KLK5: variants seen among roughly 807,000 people sequenced by gnomAD.
The protein encoded by KLK5 is kallikrein related peptidase 5, also known as kallikrein-5.
KLK5 carries 18 observed loss-of-function variants against 24.0 expected under a neutral mutation model. The observed-to-expected ratio is 0.75, with a 90% CI of 0.52 to 1.11. The LOEUF is 1.11. KLK5 is among the 50% of genes most tolerant of loss of function. The pLI is 0.00. For missense variants in KLK5, 374 were observed against 379.2 expected (o/e 0.99, Z 0.11); for synonymous variants, 140 against 154.0 (o/e 0.91, Z 0.67).
chr19:50,943,903 G>A (rs1485528977), intron 5 of KLK5, 117 bp from the exon 6 acceptor site: 5 of 701,182 alleles, frequency 7.1e-6, no homozygotes, highest in Non-Finnish European at 7.0e-6. Flanking sequence ...CAGACACACA[G>A]AGATGGAAAG....
chr19:50,950,184 C>A, intron 2 of KLK5, 68 bp from the exon 3 acceptor site: 2 of 1,518,526 alleles, frequency 1.3e-6, no homozygotes, highest in Non-Finnish European at 8.9e-7. Context: ...GTTTCAGACT[C>A]AAGAGGCCAG....
Position 50,947,278 on chromosome 19 carries a change from C to T in KLK5, c.726+1362G>A, listed in dbSNP as rs10409028. 0.15 allele frequency among the ~76,000 whole-genome samples: 22,099 copies of T among 152,208 alleles called. 1,788 individuals are homozygous for T. The highest frequency in any genetic ancestry group is 0.21 in the Middle Eastern group (63 of 294). ...CAGCGTCACTTTCTACTGTTGCCCC[C>T]ACTTTTGTTCTCCAGTTGCATTGGT... On this transcript the variant is annotated intron_variant, in intron 5 of 5. Coordinates refer to ENST00000336334, the MANE Select transcript of KLK5 (RefSeq NM_012427.5). The surrounding 1 kb of genome is among the most constrained non-coding windows in gnomAD (Gnocchi z 8.7).
chr19:50,951,201 C>T (rs1433486506), intron 2 of KLK5, among the ~76,000 whole-genome samples: 5 of 152,136 alleles, frequency 3.3e-5, no homozygotes, highest in Admixed American at 2.6e-4. Context: ...ACACACAGAC[C>T]TACAGACTAC....
chr19:50,947,741 C>A lies in KLK5; in HGVS notation c.726+899G>T, dbSNP rs186888869. Among the ~76,000 whole-genome samples the A allele has an allele frequency of 7.9e-4, 121 of 152,290 alleles. No homozygotes were observed. Among genetic ancestry groups the A allele is most frequent in the South Asian group, 1.4e-3 (7 of 4,828 alleles). ...TATTACAGATTTTGTTGAAACAAGA[C>A]ACTTAACTACCACACGCCTGAAAAC... On this transcript the variant is annotated intron_variant, in intron 5 of 5. Transcript: ENST00000336334. This position sits in a 1 kb window ranked among gnomAD's most constrained non-coding sequence, Gnocchi z 8.7.
intron 5 of KLK5, among the ~76,000 whole-genome samples, chr19:50,945,520 C>T (rs937636961): frequency 9.2e-5 from 14 of 151,720 alleles, no homozygotes; most frequent in South Asian, 2.1e-4. Context: ...CACCTGGGCA[C>T]GGTGGCTCAC....
At chr19:50,944,673 G>A (rs1347280182) in intron 5 of KLK5, among the ~76,000 whole-genome samples, 1 of 152,166 alleles carries the variant, frequency 6.6e-6, no homozygotes, top group African/African-American at 2.4e-5. Context: ...GTTTGTTGTG[G>A]AGGCCTGCCG....
intron 5 of KLK5, among the ~76,000 whole-genome samples, chr19:50,945,542 C>G (rs1168202095): frequency 6.6e-6 from 1 of 151,644 alleles, no homozygotes; most frequent in East Asian, 1.9e-4. Context: ...CCTGTAATAC[C>G]AGCAATTTGG....
intron 2 of KLK5, among the ~76,000 whole-genome samples, chr19:50,951,896 T>G (rs984106374): frequency 6.6e-6 from 1 of 152,080 alleles, no homozygotes; most frequent in Non-Finnish European, 1.5e-5. Flanking sequence ...CTCCCAGAGA[T>G]AGCTACCCCT....
At position 50,952,627 on chromosome 19, in the gene KLK5, C is replaced by T. The variant is rs375974418; in HGVS notation, c.31G>A (p.Val11Met). ...AAGGCTGTGATCAGAGCACAGAGCA[C>T]CCACATCCAGGGGGGTCTTGCTGTA... MATARPPWMW[V>M]LCALITALLL... is the part of the protein sequence containing the mutation. The change falls in exon 2 of 6, where the codon GTG becomes ATG. Residue 11 changes from valine (V) to methionine (M), a missense_variant. Val to Met is a conservative substitution (Grantham distance 21). Transcript: ENST00000336334. 1.2e-6 allele frequency: 2 copies of T among 1,605,344 alleles called. No individual in the cohort carries two copies. The highest frequency in any genetic ancestry group is 1.3e-5 in the African/African-American group (1 of 74,458).
At chr19:50,950,890 CAAAAAA>C (rs10650166) in intron 2 of KLK5, among the ~76,000 whole-genome samples, 1 of 99,978 alleles carries the variant, frequency 1.0e-5, no homozygotes, top group Admixed American at 1.2e-4. Context: ...AGACTGTCTC[CAAAAAA>C]AAAAAAAAAA....
rs1481254216 is a variant in KLK5, at chr19:50,943,618, G to C, written c.*13C>G. On this transcript the variant is annotated 3_prime_UTR_variant, in exon 6 of 6. Transcript: ENST00000336334. ...GCAGGTGGGGATGCCGGTGTGCTGAGTCCTGGGATGACTCAGGAGTTGGCC... is the reference window on the plus strand; with the variant it reads ...GCAGGTGGGGATGCCGGTGTGCTGACTCCTGGGATGACTCAGGAGTTGGCC... The C allele has an allele frequency of 6.2e-7, 1 of 1,611,946 alleles. No individual in the cohort carries two copies. The highest frequency in any genetic ancestry group is 1.1e-5 in the South Asian group (1 of 90,894).
chr19:50,951,296 G>T (rs1486284505), intron 2 of KLK5, among the ~76,000 whole-genome samples: 1 of 151,516 alleles, frequency 6.6e-6, no homozygotes. Context: ...TTTCGAGACG[G>T]AGTTTCGCTC....
intron 3 of KLK5, among the ~76,000 whole-genome samples, chr19:50,949,544 T>C (rs268901): frequency 0.48 from 71,788 of 150,622 alleles, 18,065 homozygotes; most frequent in East Asian, 0.73. Flanking sequence ...AACAAATATA[T>C]GCTCCTAACC....
chr19:50,949,013 G>A lies in KLK5; in HGVS notation c.438C>T (p.Ser146=), dbSNP rs201109317. Reference sequence around the variant, plus strand: ...TGAGGTCGTTAGAGTGGCCAGGGTGGGAGTAGCCAGGGTGGGGGATGGATT... The same window carrying A: ...TGAGGTCGTTAGAGTGGCCAGGGTGAGAGTAGCCAGGGTGGGGGATGGATT... ...GVKSIPHPGY[S]HPGHSNDLML... The change falls in exon 4 of 6, where the codon TCC becomes TCT. Residue 146 remains serine, a synonymous_variant. Transcript: ENST00000336334. 1 of 1,613,894 alleles carries A rather than the reference G, an allele frequency of 6.2e-7. No homozygotes were observed. Among genetic ancestry groups the A allele is most frequent in the African/African-American group, 1.3e-5 (1 of 74,944 alleles).
Position 50,949,794 on chromosome 19 carries a change from TCCCCAC to T in KLK5, c.335+55_335+60del, listed in dbSNP as rs1183156172. The stretch of plus-strand genomic sequence containing the variant: ...CCTCCATGACACCCCCACCCCCACT[TCCCCAC>T]CCCCACCCCCACTTCCCCGTCCCCA... On this transcript the variant is annotated intron_variant, in intron 3 of 5. Transcript: ENST00000336334. 55 of 109,252 alleles carry T rather than the reference TCCCCAC, an allele frequency of 5.0e-4. No individual in the cohort carries two copies. The East Asian group carries it at 0.024, about 48-fold the overall frequency. 6.8% of individuals were successfully genotyped at this position (109,252 alleles called of 1,614,324 possible). A position where few individuals can be genotyped will look rare whatever the true frequency, so the allele number is the denominator to read the frequency against.
rs1431358122 is a variant in KLK5 at position 50,943,523 on chromosome 19, A to G, written c.*108T>C. ...CAGGAGACATGGGGTCAGGGGCTGG[A>G]GAGATGAACATTCTCAACATCTCTG... is the stretch of plus-strand genomic sequence containing the variant. On this transcript the variant is annotated 3_prime_UTR_variant, in exon 6 of 6. Coordinates refer to ENST00000336334, the MANE Select transcript of KLK5 (RefSeq NM_012427.5). The G allele has an allele frequency of 9.3e-7, 1 of 1,076,338 alleles. No homozygotes were observed. The highest frequency in any genetic ancestry group is 1.4e-6 in the Non-Finnish European group (1 of 717,198). 66.7% of individuals were successfully genotyped at this position (1,076,338 alleles called of 1,614,324 possible).
At position 50,949,779 on chromosome 19, in the gene KLK5, ACCCCCACCCCCACTTCCCC is replaced by A. The variant is rs59705989; in HGVS notation, c.335+57_335+75del. 4 of 288,716 alleles carry A rather than the reference ACCCCCACCCCCACTTCCCC, an allele frequency of 1.4e-5. 1 individual carries two copies. In the Admixed American group the frequency reaches 2.0e-4, roughly 14 times the overall value. 17.9% of individuals were successfully genotyped at this position (288,716 alleles called of 1,614,324 possible). A position where few individuals can be genotyped will look rare whatever the true frequency, so the allele number is the denominator to read the frequency against. The stretch of plus-strand genomic sequence containing the variant: ...CCCCACCAGCCCTCACCTCCATGAC[ACCCCCACCCCCACTTCCCC>A]ACCCCCACCCCCACTTCCCCGTCCC... On this transcript the variant is annotated intron_variant, in intron 3 of 5. Coordinates refer to ENST00000336334, the MANE Select transcript of KLK5 (RefSeq NM_012427.5).
Position 50,946,726 on chromosome 19 carries a change from A to AT in KLK5, c.726+1913dup, listed in dbSNP as rs536382459. 6.0e-3 allele frequency among the ~76,000 whole-genome samples: 916 copies of AT among 151,880 alleles called. 5 individuals are homozygous for AT. The highest frequency in any genetic ancestry group is 0.02 in the African/African-American group (821 of 41,390). On this transcript the variant is annotated intron_variant, in intron 5 of 5. Coordinates refer to ENST00000336334, the MANE Select transcript of KLK5 (RefSeq NM_012427.5). ...AGGCGCCTGCCACCACGCCCGGCTA[A>AT]TTTTTTGTGTTTTTAGTAGAGACAG...
rs763799185 is a variant in KLK5 at position 50,948,926 on chromosome 19, G to A, written c.525C>T (p.Ser175=). The change falls in exon 4 of 6, where the codon TCC becomes TCT. Residue 175 remains serine, a synonymous_variant. Transcript: ENST00000336334. The part of the protein sequence containing the change: ...PTKDVRPINV[S]SHCPSAGTKC... ...TTGTCCCAGCAGAGGGACAATGAGAGGAGACGTTGATGGGTCTGACATCTT... is the reference window on the plus strand; with the variant it reads ...TTGTCCCAGCAGAGGGACAATGAGAAGAGACGTTGATGGGTCTGACATCTT... 8 of 1,613,980 alleles carry A rather than the reference G, an allele frequency of 5.0e-6. No individual in the cohort carries two copies. In the East Asian group the frequency reaches 8.9e-5, roughly 18 times the overall value.
Sources: gnomAD v4.1 joint callset for allele counts (sites outside exome capture counted in the v4.1 genomes callset) on GRCh38, gnomAD v4.1.1 for gene constraint, Gnocchi (gnomAD v3.1) non-coding constraint, MANE v1.5 for transcripts, NCBI Gene and HGNC (gene_info 2026-07-23, HGNC 2026-07-21) for gene names.